Variants in CDK18 observed in about 807,000 individuals in gnomAD.
CDK18 encodes the protein cyclin-dependent kinase 18.
Under a neutral mutation model 62.0 loss-of-function variants are expected in CDK18, and 52 were observed. The observed-to-expected ratio is 0.84, with a 90% CI of 0.67 to 1.06. The LOEUF is 1.06. CDK18 is among the 50% of genes least tolerant of loss of function. CDK18 has a pLI of 0.00. For synonymous variants in CDK18, 237 were observed against 247.0 expected (o/e 0.96, Z 0.38); for missense variants, 604 against 619.9 (o/e 0.97, Z 0.27).
rs981404475 is a variant in CDK18 at position 205,528,927 on chromosome 1, G to T, written c.975-72G>T. 36 of 992,830 alleles carry T rather than the reference G, an allele frequency of 3.6e-5. No homozygotes were observed. Among genetic ancestry groups the T allele is most frequent in the Admixed American group, 1.9e-4 (8 of 41,210 alleles). The allele number at this position is 992,830 out of a possible 1,614,324, so 61.5% of individuals were successfully genotyped here. On this transcript the variant is annotated intron_variant, in intron 10 of 15. Coordinates refer to ENST00000429964, the MANE Select transcript of CDK18 (RefSeq NM_212502.3). The surrounding 1 kb of genome is among the most constrained non-coding windows in gnomAD (Gnocchi z 4.2). ...CCGCCTGTGGCAGGTCGTCATTGGTGCCCTGGTGGAGCAGCCCTAGGAAGG... is the reference window on the plus strand; with the variant it reads ...CCGCCTGTGGCAGGTCGTCATTGGTTCCCTGGTGGAGCAGCCCTAGGAAGG...
intron 13 of CDK18, chr1:205,529,887 G>A: frequency 1.5e-6 from 2 of 1,358,882 alleles, no homozygotes; most frequent in South Asian, 1.5e-5. Flanking sequence ...GAGATGACGG[G>A]ACACACTTAG....
Position 205,528,848 on chromosome 1 carries a change from G to A in CDK18, c.975-151G>A. 1 of 577,170 alleles carries A rather than the reference G, an allele frequency of 1.7e-6. No homozygotes were observed. The allele number at this position is 577,170 out of a possible 1,614,324, so 35.8% of individuals were successfully genotyped here. On this transcript the variant is annotated intron_variant, in intron 10 of 15. Transcript: ENST00000429964. This position sits in a 1 kb window ranked among gnomAD's most constrained non-coding sequence, Gnocchi z 4.2. The stretch of plus-strand genomic sequence containing the variant: ...TGTAGTGGGGGCTGGGCAGTTCTAG[G>A]AGCCTCCACTGCCCTGGGCCACCCC...
chr1:205,523,776 C>T lies in CDK18; in HGVS notation c.273+151C>T, dbSNP rs528293414. On this transcript the variant is annotated intron_variant, in intron 3 of 15. Coordinates refer to ENST00000429964, the MANE Select transcript of CDK18 (RefSeq NM_212502.3). ...CTGTGACTTTGAGCAAGTTACTCAACCTCTGTGCACCATGGTCTCCTTGTC... is the reference window on the plus strand; with the variant it reads ...CTGTGACTTTGAGCAAGTTACTCAATCTCTGTGCACCATGGTCTCCTTGTC... The T allele has an allele frequency of 2.5e-5, 24 of 942,914 alleles. No individual in the cohort carries two copies. In the African/African-American group the frequency reaches 3.7e-4, roughly 14 times the overall value. 58.4% of individuals were successfully genotyped at this position (942,914 alleles called of 1,614,324 possible).
intron 15 of CDK18, 45 bp from the exon 16 acceptor site, chr1:205,531,299 A>G (rs1311822089): frequency 1.2e-6 from 2 of 1,601,320 alleles, no homozygotes; most frequent in African/African-American, 2.7e-5. Context: ...GGTACCCGTC[A>G]GCCCAGCCTC....
rs1179812101 is a variant in CDK18 at position 205,524,349 on chromosome 1, G to A, written c.391G>A (p.Ala131Thr). The A allele has an allele frequency of 3.7e-6, 6 of 1,614,036 alleles. No homozygotes were observed. The highest frequency in any genetic ancestry group is 2.2e-5 in the East Asian group (1 of 44,892). Residue 131 changes from alanine to threonine, a missense_variant, in exon 4 of 16, where the codon GCC (alanine) becomes ACC (threonine). Coordinates refer to ENST00000429964, the MANE Select transcript of CDK18 (RefSeq NM_212502.3). ...GCCGCTCAGCCGCATGTCCCGCCGG[G>A]CCTCCCTGGTGAGTCCCAAGAGGGT... is the stretch of plus-strand genomic sequence containing the variant. ...PKPLSRMSRRASLSDIGFGKL... is the reference protein window; with the variant it reads ...PKPLSRMSRRTSLSDIGFGKL...
chr1:205,530,417 A>G, intron 14 of CDK18, 68 bp downstream of exon 14: 1 of 1,510,858 alleles, frequency 6.6e-7, no homozygotes, highest in East Asian at 2.3e-5. Context: ...GTGTGGGCAG[A>G]AGAACCAGAA....
At chr1:205,514,584 T>C (rs1195116955) in intron 1 of CDK18, among the ~76,000 whole-genome samples, 1 of 152,220 alleles carries the variant, frequency 6.6e-6, no homozygotes, top group Non-Finnish European at 1.5e-5. Flanking sequence ...CAGTGTGTCC[T>C]GGATCTTAAA....
At chr1:205,510,553 G>C (rs1444327974) in intron 1 of CDK18, among the ~76,000 whole-genome samples, 2 of 152,194 alleles carry the variant, frequency 1.3e-5, no homozygotes, top group Admixed American at 6.5e-5. Context: ...TGCCAAACCT[G>C]GCATGGCTCC....
chr1:205,517,778 A>C lies in CDK18; in HGVS notation c.-21-5369A>C, dbSNP rs772136670. On this transcript the variant is annotated intron_variant, in intron 1 of 15. Transcript: ENST00000429964. The surrounding 1 kb of genome is among the most constrained non-coding windows in gnomAD (Gnocchi z 4.1). Reference sequence around the variant, plus strand: ...CTGCCCCCCGCTGGTCCCAGCCACCATCAAGCTCTCTCCCCTGGGCCTCAG... The same window carrying C: ...CTGCCCCCCGCTGGTCCCAGCCACCCTCAAGCTCTCTCCCCTGGGCCTCAG... Among the ~76,000 whole-genome samples the C allele has an allele frequency of 5.3e-5, 8 of 151,804 alleles. No individual in the cohort carries two copies. Among genetic ancestry groups the C allele is most frequent in the Non-Finnish European group, 1.0e-4 (7 of 67,946 alleles).
chr1:205,519,713 G>A (rs1668018350), intron 1 of CDK18, among the ~76,000 whole-genome samples: 2 of 151,998 alleles, frequency 1.3e-5, no homozygotes, highest in Admixed American at 1.3e-4. Flanking sequence ...GGCACAGGCT[G>A]GTGGCTCCTT....
At chr1:205,521,251 G>A (rs558213264) in intron 1 of CDK18, among the ~76,000 whole-genome samples, 11 of 152,226 alleles carry the variant, frequency 7.2e-5, no homozygotes, top group East Asian at 1.9e-4. Flanking sequence ...TTGCTCTGTC[G>A]CCCAGGCAGG....
At chr1:205,520,122 A>T (rs562157740) in intron 1 of CDK18, among the ~76,000 whole-genome samples, 25 of 151,142 alleles carry the variant, frequency 1.7e-4, no homozygotes, top group African/African-American at 5.6e-4. Context: ...GGACAGAGAG[A>T]CTTCCTCTCC....
At chr1:205,518,261 G>T (rs1216278936) in intron 1 of CDK18, among the ~76,000 whole-genome samples, 2 of 152,010 alleles carry the variant, frequency 1.3e-5, no homozygotes, top group Non-Finnish European at 1.5e-5. Context: ...TCTATTGTCC[G>T]CACCCCCCTA....
rs1268728387 is a variant in CDK18, at chr1:205,528,860, C to T, written c.975-139C>T. ...TGGGCAGTTCTAGGAGCCTCCACTG[C>T]CCTGGGCCACCCCTCCGCCGCCAGA... On this transcript the variant is annotated intron_variant, in intron 10 of 15. Transcript: ENST00000429964. This position sits in a 1 kb window ranked among gnomAD's most constrained non-coding sequence, Gnocchi z 4.2. 18 of 608,180 alleles carry T rather than the reference C, an allele frequency of 3.0e-5. No homozygotes were observed. Among genetic ancestry groups the T allele is most frequent in the Non-Finnish European group, 4.7e-5 (16 of 340,170 alleles). 37.7% of individuals were successfully genotyped at this position (608,180 alleles called of 1,614,324 possible).
At chr1:205,525,097 A>G in intron 4 of CDK18, 42 bp from the exon 5 acceptor site, 1 of 1,473,104 alleles carries the variant, frequency 6.8e-7, no homozygotes, top group Non-Finnish European at 9.4e-7. Context: ...TGGAGCTGCT[A>G]AGGGCTTCAA....
rs550036995 is a variant in CDK18, at chr1:205,527,922, G to T, written c.853+5G>T. ...AGCTGAAGCTGGCCGACTTTGGTGA[G>T]GCTGGGGCTAGGGTGGGGGTCTGAC... On this transcript the variant is annotated splice_donor_5th_base_variant and intron_variant, in intron 9 of 15. Transcript: ENST00000429964. This position sits in a 1 kb window ranked among gnomAD's most constrained non-coding sequence, Gnocchi z 4.1. The T allele has an allele frequency of 1.1e-5, 18 of 1,614,124 alleles. No homozygotes were observed. In the African/African-American group the frequency reaches 1.3e-4, roughly 12 times the overall value.
intron 1 of CDK18, among the ~76,000 whole-genome samples, chr1:205,508,350 C>T (rs1287880730): frequency 6.6e-6 from 1 of 152,230 alleles, no homozygotes; most frequent in Non-Finnish European, 1.5e-5. Flanking sequence ...CAGCTGCATG[C>T]ACATGCACAC....
At chr1:205,523,650 C>T (rs771603510) in intron 3 of CDK18, 25 bp downstream of exon 3, 26 of 1,555,542 alleles carry the variant, frequency 1.7e-5, no homozygotes, top group African/African-American at 8.2e-5. Context: ...AGCTCTGCCC[C>T]GGCAGGTGGC....
chr1:205,515,779 T>C (rs1307190162), intron 1 of CDK18, among the ~76,000 whole-genome samples: 1 of 152,212 alleles, frequency 6.6e-6, no homozygotes, highest in East Asian at 1.9e-4. Context: ...AGGGCGACCC[T>C]GATCCCCACT....
Sources: gnomAD v4.1 joint callset for allele counts (sites outside exome capture counted in the v4.1 genomes callset) on GRCh38, gnomAD v4.1.1 for gene constraint, Gnocchi (gnomAD v3.1) non-coding constraint, MANE v1.5 for transcripts, NCBI Gene and HGNC (gene_info 2026-07-23, HGNC 2026-07-21) for gene names.